NT5DC3: variants seen among roughly 807,000 people sequenced by gnomAD.
NT5DC3 encodes 5'-nucleotidase domain containing 3, also known as 5'-nucleotidase domain-containing protein 3.
In NT5DC3, 42 loss-of-function variants were observed where a neutral mutation model predicts 67.8. The ratio of observed to expected loss-of-function variants is 0.62; its 90% CI spans 0.48 to 0.80. NT5DC3 has a LOEUF of 0.80. Ranked by LOEUF, NT5DC3 falls within the 30% of genes least tolerant of loss-of-function variation. The pLI is 0.00. For missense variants in NT5DC3, 570 were observed against 696.4 expected (o/e 0.82, Z 2.04); for synonymous variants, 237 against 255.6 (o/e 0.93, Z 0.69).
chr12:103,755,358 C>T, the NT5DC3 span: 1 of 1,614,190 alleles, frequency 6.2e-7, no homozygotes, highest in East Asian at 2.2e-5. Context: ...TTGCCTACCC[C>T]ACAGCCTTCG....
At chr12:103,748,344 T>A in the NT5DC3 span, among the ~76,000 whole-genome samples, 1 of 152,202 alleles carries the variant, frequency 6.6e-6, no homozygotes, top group Non-Finnish European at 1.5e-5. Context: ...AGGCTGGAGC[T>A]AATCTATCGT....
chr12:103,771,384 TAA>T (rs762402073), downstream of NT5DC3: 47 of 152,348 alleles, frequency 3.1e-4, no homozygotes, highest in African/African-American at 7.9e-4. Flanking sequence ...TGGTTACCTA[TAA>T]AAGAGTTTCT....
At position 103,778,392 on chromosome 12, in the gene NT5DC3, G is replaced by T. The variant is rs775894335; in HGVS notation, c.1395-311C>A. 5.3e-5 allele frequency among the ~76,000 whole-genome samples: 8 copies of T among 152,160 alleles called. No homozygotes were observed. The South Asian group carries it at 6.2e-4, about 12-fold the overall frequency. Reference sequence around the variant, plus strand: ...TTAAAAATACAAAAATTGGCCAGGCGTGGTGGCGCACACCTGTAATCCCAG... The same window carrying T: ...TTAAAAATACAAAAATTGGCCAGGCTTGGTGGCGCACACCTGTAATCCCAG... On this transcript the variant is annotated intron_variant, in intron 13 of 13. Coordinates refer to ENST00000392876, the MANE Select transcript of NT5DC3 (RefSeq NM_001031701.3).
At chr12:103,767,723 C>T (rs116223237), downstream of NT5DC3, among the ~76,000 whole-genome samples, 313 of 152,024 alleles carry the variant, frequency 2.1e-3, 3 homozygotes, top group African/African-American at 6.3e-3. Flanking sequence ...GCACCGAGAC[C>T]CCTTCCTTCA....
intron 1 of NT5DC3, among the ~76,000 whole-genome samples, chr12:103,835,618 T>C (rs1888112966): frequency 6.6e-6 from 1 of 152,160 alleles, no homozygotes. Context: ...CTAAGACTGA[T>C]AGTTATTTCA....
chr12:103,806,053 T>A (rs780174869), intron 4 of NT5DC3, among the ~76,000 whole-genome samples: 5 of 152,058 alleles, frequency 3.3e-5, no homozygotes, highest in Non-Finnish European at 7.4e-5. Context: ...AGCACATTTC[T>A]ATCATCACCT....
the NT5DC3 span, among the ~76,000 whole-genome samples, chr12:103,764,062 T>C: frequency 1.3e-5 from 2 of 152,184 alleles, no homozygotes; most frequent in South Asian, 4.2e-4. Flanking sequence ...CTCGGCTCAT[T>C]GCAACCTCTG....
intron 13 of NT5DC3, among the ~76,000 whole-genome samples, chr12:103,778,859 G>A (rs376198392): frequency 6.6e-6 from 1 of 152,084 alleles, no homozygotes; most frequent in Non-Finnish European, 1.5e-5. Context: ...CCATCAAAAC[G>A]ACTCTGGTCA....
Position 103,773,653 on chromosome 12 carries a change from A to C in NT5DC3, c.*4176T>G, listed in dbSNP as rs1365200590. On this transcript the variant is annotated 3_prime_UTR_variant, in exon 14 of 14. Coordinates refer to ENST00000392876, the MANE Select transcript of NT5DC3 (RefSeq NM_001031701.3). ...AATCAAGGAACCCTGTGTCTGGCCA[A>C]ATTTCGTCTTAGAGCATTCTAGACA... The C allele has an allele frequency of 6.6e-6, 1 of 152,234 alleles. No homozygotes were observed. Among genetic ancestry groups the C allele is most frequent in the Non-Finnish European group, 1.5e-5 (1 of 68,030 alleles). The allele number at this position is 152,234 out of a possible 1,614,324, so 9.4% of individuals were successfully genotyped here.
At chr12:103,823,964 AGGCTAGGCACAG>A (rs139050584) in intron 1 of NT5DC3, among the ~76,000 whole-genome samples, 344 of 152,352 alleles carry the variant, frequency 2.3e-3, no homozygotes, top group African/African-American at 8.1e-3. Context: ...CTGCCCAGTC[AGGCTAGGCACAG>A]GGCAGTAAAG....
chr12:103,805,218 A>C (rs772774201), intron 4 of NT5DC3, among the ~76,000 whole-genome samples: 77 of 152,196 alleles, frequency 5.1e-4, no homozygotes, highest in Admixed American at 1.6e-3. Flanking sequence ...CTACCACAGC[A>C]GGGACAATAT....
chr12:103,746,534 C>G, the NT5DC3 span: 1 of 1,522,028 alleles, frequency 6.6e-7, no homozygotes, highest in Non-Finnish European at 9.1e-7. Flanking sequence ...GGAAAGTCTC[C>G]TTAGATGGGT....
intron 10 of NT5DC3, among the ~76,000 whole-genome samples, chr12:103,787,774 C>T (rs1253684030): frequency 6.6e-6 from 1 of 152,144 alleles, no homozygotes; most frequent in Admixed American, 6.5e-5. Flanking sequence ...GCCATCTTCC[C>T]ATGTCAATAG....
rs762646940 is a variant in NT5DC3 at position 103,777,800 on chromosome 12, C to T, written c.*29G>A. 6.3e-7 allele frequency: 1 copy of T among 1,590,756 alleles called. No homozygotes were observed. The highest frequency in any genetic ancestry group is 8.6e-7 in the Non-Finnish European group (1 of 1,169,510). On this transcript the variant is annotated 3_prime_UTR_variant, in exon 14 of 14. Coordinates refer to ENST00000392876, the MANE Select transcript of NT5DC3 (RefSeq NM_001031701.3). ...CCCATCATGCCTGCCCAATCAGGGG[C>T]AGTTACAGTTTCTAGTTTTTGCCCT...
chr12:103,797,107 G>GGCTTCCTGCTGTTC, intron 5 of NT5DC3, 76 bp from the exon 6 acceptor site: 1 of 1,511,164 alleles, frequency 6.6e-7, no homozygotes, highest in Non-Finnish European at 9.1e-7. Context: ...ACCAGGAACA[G>GGCTTCCTGCTGTTC]CAGGAAGCCT....
chr12:103,782,386 A>C (rs1466284946), intron 12 of NT5DC3, among the ~76,000 whole-genome samples: 1 of 152,132 alleles, frequency 6.6e-6, no homozygotes, highest in East Asian at 1.9e-4. Flanking sequence ...AAAGAGAAGA[A>C]TTTCCTAACA....
chr12:103,750,488 T>A, the NT5DC3 span: 1 of 1,543,104 alleles, frequency 6.5e-7, no homozygotes, highest in Non-Finnish European at 8.8e-7. Flanking sequence ...TCTGAACACC[T>A]CCTAGGCTGG....
At chr12:103,759,184 T>G in the NT5DC3 span, 81 of 1,614,094 alleles carry the variant, frequency 5.0e-5, no homozygotes, top group Non-Finnish European at 6.1e-5. Flanking sequence ...CAGCATGTTT[T>G]TCTACAATGA....
At chr12:103,824,726 C>T (rs1887621635) in intron 1 of NT5DC3, among the ~76,000 whole-genome samples, 1 of 152,072 alleles carries the variant, frequency 6.6e-6, no homozygotes, top group African/African-American at 2.4e-5. Context: ...GAGCACCTAA[C>T]ACCCCCTAGC....
Sources: allele counts gnomAD v4.1 joint callset (sites outside exome capture counted in the v4.1 genomes callset), GRCh38; gene constraint gnomAD v4.1.1; transcripts MANE v1.5; gene names NCBI Gene and HGNC (gene_info 2026-07-23, HGNC 2026-07-21).